Variants in NLK observed in about 807,000 individuals in gnomAD.
NLK encodes the protein nemo like kinase.
Under a neutral mutation model 59.0 loss-of-function variants are expected in NLK, and 11 were observed. That is an observed-to-expected ratio of 0.19 (90% CI 0.12 to 0.31). NLK has a LOEUF of 0.31. Among genes scored for constraint, NLK ranks in the 10% least tolerant of loss-of-function variants. The probability of loss-of-function intolerance (pLI) is 1.00; values close to 1 mark genes in which losing one functional copy is unlikely to be tolerated. For synonymous variants in NLK, 235 were observed against 235.9 expected, an observed-to-expected ratio of 1.00 and a Z score of 0.03; for missense variants, 410 against 661.1, an observed-to-expected ratio of 0.62 and a Z score of 4.16.
chr17:28,156,885 G>A (rs566220625), intron 3 of NLK, among the ~76,000 whole-genome samples: 4 of 152,296 alleles, frequency 2.6e-5, no homozygotes, highest in African/African-American at 4.8e-5. Flanking sequence ...ACCAGCCATC[G>A]ATGGTGCCTA....
At chr17:28,116,361 G>A (rs371603859) in intron 1 of NLK, 29 of 197,072 alleles carry the variant, frequency 1.5e-4, no homozygotes, top group Admixed American at 9.3e-4. Context: ...TGAGAACCCC[G>A]GCCGAATTTT....
chr17:28,112,167 C>A (rs920060290), intron 1 of NLK, among the ~76,000 whole-genome samples: 23 of 151,950 alleles, frequency 1.5e-4, no homozygotes, highest in Non-Finnish European at 2.5e-4. Flanking sequence ...CCAGAATCTC[C>A]TTGTTAAATT....
At chr17:28,191,315 C>A in intron 9 of NLK, 96 bp downstream of exon 9, 1 of 875,338 alleles carries the variant, frequency 1.1e-6, no homozygotes, top group Non-Finnish European at 1.7e-6. Flanking sequence ...GTAACCAAAG[C>A]TCCCCTCTAT....
chr17:28,201,382 CTTTTTTTTTT>C, the NLK span, among the ~76,000 whole-genome samples: 1 of 126,892 alleles, frequency 7.9e-6, no homozygotes, highest in South Asian at 2.7e-4. Flanking sequence ...TGCACCTGGT[CTTTTTTTTTT>C]TTTTTTTTTA....
chr17:28,100,948 T>C (rs1011912293), intron 1 of NLK, among the ~76,000 whole-genome samples: 1 of 152,126 alleles, frequency 6.6e-6, no homozygotes, highest in African/African-American at 2.4e-5. Context: ...CTGGCCAACG[T>C]TGAAGTTGTG....
At chr17:28,174,561 CT>C (rs1340937537) in intron 7 of NLK, among the ~76,000 whole-genome samples, 1 of 152,186 alleles carries the variant, frequency 6.6e-6, no homozygotes, top group Admixed American at 6.5e-5. Context: ...CTTTTATCCA[CT>C]GCTTGAAGTG....
intron 1 of NLK, among the ~76,000 whole-genome samples, chr17:28,066,412 A>G (rs1203060542): frequency 6.6e-6 from 1 of 152,222 alleles, no homozygotes; most frequent in Non-Finnish European, 1.5e-5. Context: ...TTAAGTACCA[A>G]ATCCAGTGGG....
intron 1 of NLK, among the ~76,000 whole-genome samples, chr17:28,072,736 A>G (rs1291436721): frequency 6.6e-6 from 1 of 152,082 alleles, no homozygotes; most frequent in Non-Finnish European, 1.5e-5. Context: ...AAATTTTAGT[A>G]TGCATGTTTA....
At chr17:28,110,905 C>A (rs1389484581) in intron 1 of NLK, among the ~76,000 whole-genome samples, 1 of 151,102 alleles carries the variant, frequency 6.6e-6, no homozygotes, top group Non-Finnish European at 1.5e-5. Context: ...AGTGCAGTGG[C>A]GGGATCTCGG....
intron 1 of NLK, among the ~76,000 whole-genome samples, chr17:28,103,378 T>C (rs886612627): frequency 3.3e-5 from 5 of 152,230 alleles, no homozygotes; most frequent in Non-Finnish European, 5.9e-5. Context: ...TTCTGAACTT[T>C]GGAGCTTTTG....
rs1423525700 is a variant in NLK at position 28,091,490 on chromosome 17, T to TAC, written c.459-31103_459-31102dup. On this transcript the variant is annotated intron_variant, in intron 1 of 10. Coordinates refer to ENST00000407008, the MANE Select transcript of NLK (RefSeq NM_016231.5). The stretch of plus-strand genomic sequence containing the variant: ...ATAATTATATTTATATATATATATA[T>TAC]ACACACACACATATATAAAATCATT... Among the ~76,000 whole-genome samples, 7 of 150,324 alleles carry TAC rather than the reference T, an allele frequency of 4.7e-5. No homozygotes were observed. In the East Asian group the frequency reaches 7.7e-4, roughly 17 times the overall value.
At chr17:28,176,013 G>A (rs548930751) in intron 7 of NLK, among the ~76,000 whole-genome samples, 4 of 152,020 alleles carry the variant, frequency 2.6e-5, no homozygotes, top group African/African-American at 4.8e-5. Flanking sequence ...GGATCTTTAC[G>A]AAAATCCATA....
intron 3 of NLK, among the ~76,000 whole-genome samples, chr17:28,148,373 T>C (rs1489558614): frequency 6.6e-6 from 1 of 152,180 alleles, no homozygotes; most frequent in Non-Finnish European, 1.5e-5. Context: ...TGAGGGGATA[T>C]GAATCTATTT....
chr17:28,084,099 G>A (rs550483473), intron 1 of NLK, among the ~76,000 whole-genome samples: 1 of 152,246 alleles, frequency 6.6e-6, no homozygotes. Context: ...TGGGTTTAAC[G>A]CTGGACTCAG....
intron 1 of NLK, among the ~76,000 whole-genome samples, chr17:28,067,837 A>T (rs1909883902): frequency 6.8e-6 from 1 of 146,404 alleles, no homozygotes; most frequent in East Asian, 2.0e-4. Flanking sequence ...ACCTTCTTAA[A>T]ATATATATAT....
chr17:28,086,452 T>A (rs1016487117), intron 1 of NLK, among the ~76,000 whole-genome samples: 11 of 152,122 alleles, frequency 7.2e-5, no homozygotes, highest in African/African-American at 2.7e-4. Flanking sequence ...TGAGAGAACA[T>A]GCTACTAGAT....
chr17:28,185,203 C>G lies in NLK; in HGVS notation c.1174C>G (p.Leu392Val). ...GCCATCTCTTCCTGTACTCTATACC[C>G]TGTCTAGCCAGGCTACACATGAAGC... ...KQPSLPVLYT[L>V]SSQATHEAVH... Residue 392 changes from leucine (L) to valine (V), a missense_variant, in exon 8 of 11, where the codon CTG becomes GTG. Physicochemically the swap from Leu to Val is conservative, Grantham distance 32. This residue lies in a region of NLK where 150 missense variants were observed against 244.3 expected (regional missense o/e 0.61). Coordinates refer to ENST00000407008, the MANE Select transcript of NLK (RefSeq NM_016231.5). The G allele has an allele frequency of 1.3e-6, 2 of 1,592,274 alleles. No homozygotes were observed. The highest frequency in any genetic ancestry group is 1.7e-6 in the Non-Finnish European group (2 of 1,167,872).
At chr17:28,055,671 A>C (rs1335869408) in intron 1 of NLK, among the ~76,000 whole-genome samples, 1 of 152,176 alleles carries the variant, frequency 6.6e-6, no homozygotes. Flanking sequence ...GAATTATTAT[A>C]TATTTAAAGT....
intron 9 of NLK, 29 bp from the exon 10 acceptor site, chr17:28,192,091 G>T: frequency 7.1e-7 from 1 of 1,404,848 alleles, no homozygotes; most frequent in Non-Finnish European, 1.0e-6. Flanking sequence ...AAATTGTCAT[G>T]GATTGTATGA....
Sources: gnomAD v4.1 joint callset for allele counts (sites outside exome capture counted in the v4.1 genomes callset) on GRCh38, gnomAD v4.1.1 for gene constraint, gnomAD v4.1.1 regional missense constraint, MANE v1.5 for transcripts, NCBI Gene and HGNC (gene_info 2026-07-23, HGNC 2026-07-21) for gene names.